MATK: variants seen among roughly 807,000 people sequenced by gnomAD.
MATK encodes the protein megakaryocyte-associated tyrosine kinase, also known as megakaryocyte-associated tyrosine-protein kinase.
In MATK, 41 loss-of-function variants were observed where a neutral mutation model predicts 59.8. The observed-to-expected ratio is 0.69, with a 90% CI of 0.53 to 0.89. The LOEUF is 0.89. Among genes scored for constraint, MATK ranks in the 40% least tolerant of loss-of-function variants. The pLI is 0.00. For synonymous variants in MATK, 308 were observed against 306.1 expected (o/e 1.01, Z -0.06); for missense variants, 593 against 719.6 (o/e 0.82, Z 2.01).
At chr19:3,798,410 T>TGGAA (rs2037614723) in intron 1 of MATK, among the ~76,000 whole-genome samples, 1 of 152,182 alleles carries the variant, frequency 6.6e-6, no homozygotes, top group African/African-American at 2.4e-5. Flanking sequence ...CCCGAAACAT[T>TGGAA]GGCAGCATCT....
rs745672640 is a variant in MATK, at chr19:3,779,699, T to A, written c.841A>T (p.Thr281Ser). 1 of 1,612,696 alleles carries A rather than the reference T, an allele frequency of 6.2e-7. No individual in the cohort carries two copies. Among genetic ancestry groups the A allele is most frequent in the Admixed American group, 1.7e-5 (1 of 60,014 alleles). Residue 281 changes from threonine to serine, a missense_variant and splice_region_variant, in exon 9 of 14, where the codon ACG becomes TCG. Physicochemically the swap from Thr to Ser is moderately conservative, Grantham distance 58 (BLOSUM62 1). Coordinates refer to ENST00000310132, the MANE Select transcript of MATK (RefSeq NM_139355.3). ...QAFLDETAVMTKMQHENLVRL... is the reference protein window; with the variant it reads ...QAFLDETAVMSKMQHENLVRL... Reference sequence around the variant, plus strand: ...CCCCAGCCCCACCCTGGGACTCACGTCATGACGGCCGTCTCGTCCAGGAAG... The same window carrying A: ...CCCCAGCCCCACCCTGGGACTCACGACATGACGGCCGTCTCGTCCAGGAAG...
intron 7 of MATK, among the ~76,000 whole-genome samples, chr19:3,782,021 T>C (rs931084513): frequency 6.6e-6 from 1 of 152,200 alleles, no homozygotes; most frequent in East Asian, 1.9e-4. Flanking sequence ...CAAGGGGTAG[T>C]GCCAGGAAAC....
Position 3,783,128 on chromosome 19 carries a change from C to G in MATK, c.674G>C (p.Arg225Thr). ...CTGCCCTCCTGGGCGTCCCCTACCC[C>G]TGGCCAGCTCCTCCTCGGCCGACTT... The part of the protein sequence containing the change: ...GTKSAEEELA[R>T]AGWLLNLQHL... The change falls in exon 7 of 14, where the codon AGG becomes ACG. Residue 225 changes from arginine (R) to threonine (T), a missense_variant and splice_region_variant. Coordinates refer to ENST00000310132, the MANE Select transcript of MATK (RefSeq NM_139355.3). 1 of 1,613,924 alleles carries G rather than the reference C, an allele frequency of 6.2e-7. No individual in the cohort carries two copies. Among genetic ancestry groups the G allele is most frequent in the Non-Finnish European group, 8.5e-7 (1 of 1,179,962 alleles).
rs1290254311 is a variant in MATK, at chr19:3,786,182, G to A, written c.-165C>T. ...CGACGTGCTCACCTGCTCAGGGGGCGCCCCCGAGCCGCGCCCCGCGCCCGC... is the reference window on the plus strand; with the variant it reads ...CGACGTGCTCACCTGCTCAGGGGGCACCCCCGAGCCGCGCCCCGCGCCCGC... On this transcript the variant is annotated 5_prime_UTR_variant, in exon 1 of 14. Coordinates refer to ENST00000310132, the MANE Select transcript of MATK (RefSeq NM_139355.3). This position sits in a 1 kb window ranked among gnomAD's most constrained non-coding sequence, Gnocchi z 4.1. 2 of 980,074 alleles carry A rather than the reference G, an allele frequency of 2.0e-6. No individual in the cohort carries two copies. Among genetic ancestry groups the A allele is most frequent in the Non-Finnish European group, 2.4e-6 (2 of 825,662 alleles). The allele number at this position is 980,074 out of a possible 1,614,324, so 60.7% of individuals were successfully genotyped here. A position where few individuals can be genotyped will look rare whatever the true frequency, so the allele number is the denominator to read the frequency against.
Position 3,778,374 on chromosome 19 carries a change from G to T in MATK, c.1333C>A (p.Pro445Thr). ...EAVEKGYRMEPPEGCPGPVHV... is the reference protein window; with the variant it reads ...EAVEKGYRMETPEGCPGPVHV... ...ACGGGGCCTGGACAGCCCTCGGGGG[G>T]TTCCATGCGGTACCCCTTCTCCACG... The change falls in exon 14 of 14, where the codon CCC (proline) becomes ACC (threonine). Residue 445 changes from proline to threonine, a missense_variant. Physicochemically the swap from Pro to Thr is conservative, Grantham distance 38. Coordinates refer to ENST00000310132, the MANE Select transcript of MATK (RefSeq NM_139355.3). 5 of 1,609,020 alleles carry T rather than the reference G, an allele frequency of 3.1e-6. No homozygotes were observed. Among genetic ancestry groups the T allele is most frequent in the Non-Finnish European group, 3.4e-6 (4 of 1,178,264 alleles).
At chr19:3,798,407 C>G (rs1204362903) in intron 1 of MATK, among the ~76,000 whole-genome samples, 2 of 152,218 alleles carry the variant, frequency 1.3e-5, no homozygotes, top group African/African-American at 4.8e-5. Context: ...AATCCCGAAA[C>G]ATTGGCAGCA....
chr19:3,786,104 G>A lies in MATK; in HGVS notation c.-152+65C>T. 1 of 716,804 alleles carries A rather than the reference G, an allele frequency of 1.4e-6. No homozygotes were observed. The highest frequency in any genetic ancestry group is 1.3e-4 in the East Asian group (1 of 7,570). 44.4% of individuals were successfully genotyped at this position (716,804 alleles called of 1,614,324 possible). ...CGTCCCGGGCCCACCCCCGCCTAGA[G>A]CCCTCGGGGTTTCCCCCCACCCCGG... On this transcript the variant is annotated intron_variant, in intron 1 of 13. Coordinates refer to ENST00000310132, the MANE Select transcript of MATK (RefSeq NM_139355.3). This position sits in a 1 kb window ranked among gnomAD's most constrained non-coding sequence, Gnocchi z 4.1.
At chr19:3,783,293 G>A (rs1172316967) in intron 6 of MATK, 74 bp from the exon 7 acceptor site, 1 of 889,816 alleles carries the variant, frequency 1.1e-6, no homozygotes. Context: ...GTTCCCGGGT[G>A]GCCTCTGGGT....
At chr19:3,779,483 TG>T (rs1360946631) in intron 10 of MATK, 32 bp from the exon 11 acceptor site, 3 of 1,612,140 alleles carry the variant, frequency 1.9e-6, no homozygotes, top group Non-Finnish European at 2.5e-6. Context: ...CGCGGGATGT[TG>T]GGGCTGCTCC....
chr19:3,778,138 TC>T lies in MATK; in HGVS notation c.*44del. ...TGGTCAGTGCCCCCACGCCGCACTC[TC>T]CACTCTCTCGGTCCTCTGGGGCCAA... On this transcript the variant is annotated 3_prime_UTR_variant, in exon 14 of 14. Coordinates refer to ENST00000310132, the MANE Select transcript of MATK (RefSeq NM_139355.3). 6.6e-7 allele frequency: 1 copy of T among 1,524,538 alleles called. No individual in the cohort carries two copies. 94.4% of individuals were successfully genotyped at this position (1,524,538 alleles called of 1,614,324 possible). A position where few individuals can be genotyped will look rare whatever the true frequency, so the allele number is the denominator to read the frequency against.
chr19:3,783,437 C>T (rs2037430018), intron 6 of MATK: 2 of 601,466 alleles, frequency 3.3e-6, no homozygotes, highest in South Asian at 2.0e-5. Context: ...AGAGGAGTCA[C>T]TCTAGTCCCT....
Position 3,785,175 on chromosome 19 carries a change from G to T in MATK, c.-40C>A. The T allele has an allele frequency of 6.2e-7, 1 of 1,613,550 alleles. No homozygotes were observed. On this transcript the variant is annotated 5_prime_UTR_variant, in exon 2 of 14. Transcript: ENST00000310132. ...AACTGAGGCAGGTGAGAGGCACACT[G>T]AGCAAGTGGTCACAGTCGGGGACGC...
chr19:3,784,289 T>C, intron 4 of MATK, 49 bp downstream of exon 4: 4 of 1,593,802 alleles, frequency 2.5e-6, no homozygotes, highest in Non-Finnish European at 2.6e-6. Context: ...GGGGTGGTCC[T>C]GGTGGAGCCC....
intron 7 of MATK, 111 bp downstream of exon 7, chr19:3,783,015 G>T: frequency 1.1e-6 from 1 of 929,762 alleles, no homozygotes; most frequent in South Asian, 1.4e-5. Flanking sequence ...GCTGGGCATG[G>T]AGACAGGCTT....
intron 3 of MATK, 129 bp from the exon 4 acceptor site, chr19:3,784,580 A>C (rs2037452654): frequency 5.9e-6 from 4 of 681,896 alleles, no homozygotes; most frequent in Admixed American, 2.6e-5. Flanking sequence ...GAGGCAGAGA[A>C]AACAGACGCA....
Position 3,784,855 on chromosome 19 carries a change from G to A in MATK, c.102C>T (p.His34=), listed in dbSNP as rs751968482. 11 of 1,550,942 alleles carry A rather than the reference G, an allele frequency of 7.1e-6. No homozygotes were observed. The Admixed American group carries it at 1.6e-4, about 22-fold the overall frequency. ...RVSPRFLRAW[H]PPPVSARMPT... ...GCATCCTGGCTGAGACGGGAGGGGG[G>A]TGCCAGGCTCGGAGGAAGCGGGGGC... is the stretch of plus-strand genomic sequence containing the variant. Residue 34 remains histidine, a synonymous_variant, in exon 3 of 14, where the codon CAC becomes CAT. Coordinates refer to ENST00000310132, the MANE Select transcript of MATK (RefSeq NM_139355.3).
rs1401471730 is a variant in MATK, at chr19:3,784,208, G to A, written c.278C>T (p.Thr93Ile). The A allele has an allele frequency of 3.1e-6, 5 of 1,613,622 alleles. No individual in the cohort carries two copies. Among genetic ancestry groups the A allele is most frequent in the African/African-American group, 2.7e-5 (2 of 75,048 alleles). ...NKSWYRVKHH[T>I]SGQEGLLAAG... ...TGCCAGCAGCCCCTCCTGTCCACTG[G>A]TGTGGTGCTTGACGCGGTACCAGCT... The change falls in exon 5 of 14, where the codon ACC becomes ATC. Residue 93 changes from threonine to isoleucine, a missense_variant. Thr to Ile is a moderately conservative substitution (Grantham distance 89). Coordinates refer to ENST00000310132, the MANE Select transcript of MATK (RefSeq NM_139355.3).
At chr19:3,783,410 G>A in intron 6 of MATK, 191 bp from the exon 7 acceptor site, 1 of 611,444 alleles carries the variant, frequency 1.6e-6, no homozygotes, top group Non-Finnish European at 2.9e-6. Flanking sequence ...CAACTTGGGG[G>A]GTCCTGGGGG....
chr19:3,786,450 T>C (rs1388507458), upstream of MATK: 512 of 581,532 alleles, frequency 8.8e-4, no homozygotes, highest in Middle Eastern at 1.7e-3. The surrounding 1 kb of genome is among the most constrained non-coding windows in gnomAD (Gnocchi z 4.1). Flanking sequence ...CCCCGGCGCC[T>C]CCCGCGCGCC....
Sources: allele counts gnomAD v4.1 joint callset (sites outside exome capture counted in the v4.1 genomes callset), GRCh38; gene constraint gnomAD v4.1.1; non-coding constraint Gnocchi (gnomAD v3.1); transcripts MANE v1.5; gene names NCBI Gene and HGNC (gene_info 2026-07-23, HGNC 2026-07-21).